Variants in EFCAB6 observed in about 807,000 individuals in gnomAD.
EFCAB6 encodes EF-hand calcium-binding domain-containing protein 6.
A neutral mutation model predicts 169.8 loss-of-function variants in EFCAB6; 156 were observed. The ratio of observed to expected loss-of-function variants is 0.92; its 90% confidence interval spans 0.81 to 1.05. The LOEUF is 1.05. Among genes scored for constraint, EFCAB6 ranks in the 50% least tolerant of loss-of-function variants. The pLI is 0.00. For synonymous variants in EFCAB6, 698 were observed against 676.4 expected, an observed-to-expected ratio of 1.03 and a Z score of -0.50; for missense variants, 1,800 against 1,829.1, an observed-to-expected ratio of 0.98 and a Z score of 0.29.
chr22:43,772,135 C>T (rs901015194), intron 4 of EFCAB6, among the ~76,000 whole-genome samples: 3 of 152,322 alleles, frequency 2.0e-5, no homozygotes, highest in Middle Eastern at 3.4e-3. Flanking sequence ...GGCCCCTCTC[C>T]CAGCACTTGC....
chr22:43,600,521 C>A lies in EFCAB6; in HGVS notation c.2682-258G>T, dbSNP rs559067971. On this transcript the variant is annotated intron_variant, in intron 22 of 31. Transcript: ENST00000262726. Reference sequence around the variant, plus strand: ...GGTGACTCACAGGCACATCAGCATTCAGGATGGTCACGCCACACATGGCCT... The same window carrying A: ...GGTGACTCACAGGCACATCAGCATTAAGGATGGTCACGCCACACATGGCCT... Among the ~76,000 whole-genome samples the A allele has an allele frequency of 4.6e-5, 7 of 152,278 alleles. 1 individual carries two copies. Among genetic ancestry groups the A allele is most frequent in the African/African-American group, 1.7e-4 (7 of 41,578 alleles).
At chr22:43,710,002 G>A (rs2059103374) in intron 10 of EFCAB6, among the ~76,000 whole-genome samples, 1 of 152,138 alleles carries the variant, frequency 6.6e-6, no homozygotes, top group Non-Finnish European at 1.5e-5. Flanking sequence ...CTTCTCTCAT[G>A]CCTCTCCTTT....
intron 27 of EFCAB6, 116 bp downstream of exon 27, chr22:43,554,753 A>C: frequency 1.1e-6 from 1 of 894,472 alleles, no homozygotes; most frequent in South Asian, 1.7e-5. Flanking sequence ...CAAAATAACA[A>C]AACTGCAAGC....
At chr22:43,663,470 G>C (rs940322427) in intron 17 of EFCAB6, among the ~76,000 whole-genome samples, 1 of 152,178 alleles carries the variant, frequency 6.6e-6, no homozygotes, top group South Asian at 2.1e-4. Flanking sequence ...ATGCTTTATA[G>C]CTTATGAAGT....
At chr22:43,601,876 C>A (rs538619510) in intron 22 of EFCAB6, among the ~76,000 whole-genome samples, 1 of 152,208 alleles carries the variant, frequency 6.6e-6, no homozygotes, top group African/African-American at 2.4e-5. Context: ...TGCTCCCTTG[C>A]CTTCTGTGCC....
At position 43,687,464 on chromosome 22, in the gene EFCAB6, T is replaced by TTTC; in HGVS notation, c.1142+6_1142+7insGAA. On this transcript the variant is annotated splice_region_variant and intron_variant, in intron 11 of 31. Transcript: ENST00000262726. ...TAAAATTTGTTTTTTTTTTTTTTTT[T>TTTC]ACATACCTATTTCTTTTTGTCAGGG... 7.0e-7 allele frequency: 1 copy of TTTC among 1,422,236 alleles called. No individual in the cohort carries two copies. The allele number at this position is 1,422,236 out of a possible 1,614,324, so 88.1% of individuals were successfully genotyped here. A position where few individuals can be genotyped will look rare whatever the true frequency, so the allele number is the denominator to read the frequency against.
intron 17 of EFCAB6, among the ~76,000 whole-genome samples, chr22:43,636,577 T>TGGCAGACC (rs200764567): frequency 0.037 from 5,589 of 151,200 alleles, 289 homozygotes; most frequent in African/African-American, 0.12. Context: ...GAATAGAAAG[T>TGGCAGACC]GGCAGACCTG....
At chr22:43,777,701 C>T (rs961812362) in intron 3 of EFCAB6, among the ~76,000 whole-genome samples, 3 of 152,164 alleles carry the variant, frequency 2.0e-5, no homozygotes, top group Non-Finnish European at 4.4e-5. Flanking sequence ...TCTTGGACTT[C>T]TCATATATAT....
chr22:43,666,219 G>C lies in EFCAB6; in HGVS notation c.1983+885C>G, dbSNP rs184146943. Among the ~76,000 whole-genome samples, 248 of 152,214 alleles carry C rather than the reference G, an allele frequency of 1.6e-3. 1 individual carries two copies. The highest frequency in any genetic ancestry group is 5.4e-3 in the African/African-American group (225 of 41,536). On this transcript the variant is annotated intron_variant, in intron 17 of 31. Transcript: ENST00000262726. Reference sequence around the variant, plus strand: ...CAAAGGACCCTCCACGTCTTGTCTTGTTCTGGCTGGGGAGGGGAGAGGGTC... The same window carrying C: ...CAAAGGACCCTCCACGTCTTGTCTTCTTCTGGCTGGGGAGGGGAGAGGGTC...
intron 4 of EFCAB6, 45 bp downstream of exon 4, chr22:43,772,847 C>T (rs778232673): frequency 6.2e-7 from 1 of 1,603,612 alleles, no homozygotes; most frequent in South Asian, 1.1e-5. Context: ...TCTACCTCAG[C>T]TTGTCTGGAA....
chr22:43,648,577 G>T (rs1206126088), intron 17 of EFCAB6, among the ~76,000 whole-genome samples: 1 of 152,164 alleles, frequency 6.6e-6, no homozygotes, highest in African/African-American at 2.4e-5. Context: ...AGAAAGTGGG[G>T]TGTGGGCTGA....
At chr22:43,634,664 C>T (rs2055244105) in intron 18 of EFCAB6, among the ~76,000 whole-genome samples, 1 of 86,386 alleles carries the variant, frequency 1.2e-5, no homozygotes, top group Non-Finnish European at 2.4e-5. Context: ...TTCCTAACAT[C>T]CGGTGGGGGG....
intron 13 of EFCAB6, among the ~76,000 whole-genome samples, chr22:43,677,009 G>A (rs2057789719): frequency 6.6e-6 from 1 of 152,128 alleles, no homozygotes; most frequent in Admixed American, 6.5e-5. Context: ...TTGATTCATA[G>A]GGATGCCAAC....
At chr22:43,657,317 C>T (rs745972716) in intron 17 of EFCAB6, among the ~76,000 whole-genome samples, 22 of 152,008 alleles carry the variant, frequency 1.4e-4, no homozygotes, top group Non-Finnish European at 2.8e-4. Context: ...AATGACTATA[C>T]GTGTTAGGTC....
intron 12 of EFCAB6, among the ~76,000 whole-genome samples, chr22:43,682,565 G>T (rs2058046369): frequency 6.6e-6 from 1 of 152,176 alleles, no homozygotes; most frequent in Non-Finnish European, 1.5e-5. Context: ...TCAGCCAGCA[G>T]GGTCCTGGGC....
Position 43,556,620 on chromosome 22 carries a change from G to A in EFCAB6, c.3421-1524C>T, listed in dbSNP as rs373591605. Among the ~76,000 whole-genome samples, 4 of 152,322 alleles carry A rather than the reference G, an allele frequency of 2.6e-5. No individual in the cohort carries two copies. The East Asian group carries it at 5.8e-4, about 22-fold the overall frequency. ...TTATTTTAAGCAGCTCGACAGCAAT[G>A]TATATATTAGATGTTACTGTGTTTT... is the stretch of plus-strand genomic sequence containing the variant. On this transcript the variant is annotated intron_variant, in intron 26 of 31. Coordinates refer to ENST00000262726, the MANE Select transcript of EFCAB6 (RefSeq NM_022785.4).
At chr22:43,726,339 T>G (rs997748058) in intron 8 of EFCAB6, among the ~76,000 whole-genome samples, 2 of 128,320 alleles carry the variant, frequency 1.6e-5, no homozygotes, top group African/African-American at 6.0e-5. Flanking sequence ...TGACTATGAG[T>G]AGACAGAAAG....
chr22:43,677,181 T>A (rs1489041202), intron 13 of EFCAB6, among the ~76,000 whole-genome samples: 1 of 152,162 alleles, frequency 6.6e-6, no homozygotes, highest in Non-Finnish European at 1.5e-5. Context: ...TATAGAAACA[T>A]TTCTAATAAT....
intron 17 of EFCAB6, among the ~76,000 whole-genome samples, chr22:43,660,183 G>C (rs2056935545): frequency 6.6e-6 from 1 of 152,216 alleles, no homozygotes; most frequent in Admixed American, 6.5e-5. Flanking sequence ...AGATTGTACA[G>C]CTCAATTAAT....
Sources: allele counts gnomAD v4.1 joint callset (sites outside exome capture counted in the v4.1 genomes callset), GRCh38; gene constraint gnomAD v4.1.1; transcripts MANE v1.5; gene names NCBI Gene and HGNC (gene_info 2026-07-23, HGNC 2026-07-21).